The following ACYP2 variants were observed in gnomAD, a reference collection of about 807,000 sequenced individuals.
The protein encoded by ACYP2 is acylphosphatase-2.
In ACYP2, 12 loss-of-function variants were observed where a neutral mutation model predicts 11.2. The ratio of observed to expected loss-of-function variants is 1.08; its 90% CI spans 0.69 to 1.74. The LOEUF is 1.74. Ranked by LOEUF, ACYP2 falls within the 40% of genes most tolerant of loss-of-function variation. The pLI is 0.00. For missense variants in ACYP2, 134 were observed against 101.9 expected, an observed-to-expected ratio of 1.31 and a Z score of -1.35; for synonymous variants, 43 against 32.2, an observed-to-expected ratio of 1.33 and a Z score of -1.13.
At chr2:54,074,075 C>T (rs1304714373) in intron 4 of ACYP2, among the ~76,000 whole-genome samples, 2 of 152,218 alleles carry the variant, frequency 1.3e-5, no homozygotes, top group Non-Finnish European at 2.9e-5. Flanking sequence ...TGCAGTGACT[C>T]ATACCTGTAA....
chr2:54,210,465 G>A (rs1417678906), intron 6 of ACYP2, among the ~76,000 whole-genome samples: 3 of 152,192 alleles, frequency 2.0e-5, no homozygotes, highest in Admixed American at 6.5e-5. Context: ...ACATTCAAAT[G>A]AGCGGTGTTA....
chr2:54,152,854 G>A (rs752325047), intron 6 of ACYP2, among the ~76,000 whole-genome samples: 3 of 151,998 alleles, frequency 2.0e-5, no homozygotes, highest in Admixed American at 6.6e-5. Context: ...TTTAGAGATA[G>A]GGTCTTTCTG....
intron 2 of ACYP2, among the ~76,000 whole-genome samples, chr2:53,991,155 T>A (rs140382305): frequency 2.0e-5 from 3 of 152,318 alleles, no homozygotes; most frequent in African/African-American, 7.2e-5. Flanking sequence ...TTCAAAGGTA[T>A]GCTGCTGGTC....
At chr2:54,080,902 AG>A (rs1206721147) in intron 4 of ACYP2, among the ~76,000 whole-genome samples, 4 of 152,184 alleles carry the variant, frequency 2.6e-5, no homozygotes, top group Non-Finnish European at 4.4e-5. Context: ...ATAGGATTAT[AG>A]GGGTTAGCCA....
At chr2:54,175,747 T>G (rs1006759953) in intron 6 of ACYP2, among the ~76,000 whole-genome samples, 6 of 152,168 alleles carry the variant, frequency 3.9e-5, no homozygotes, top group Non-Finnish European at 7.4e-5. Context: ...TTTCCCAGCA[T>G]GCATCTGTCC....
At chr2:53,982,557 C>G (rs1179505059) in intron 2 of ACYP2, among the ~76,000 whole-genome samples, 2 of 152,122 alleles carry the variant, frequency 1.3e-5, no homozygotes, top group Non-Finnish European at 2.9e-5. Context: ...CTTAAGATCT[C>G]TAGATAAAAC....
At chr2:54,051,991 G>T (rs892618374) in intron 3 of ACYP2, among the ~76,000 whole-genome samples, 1 of 151,934 alleles carries the variant, frequency 6.6e-6, no homozygotes, top group African/African-American at 2.4e-5. Context: ...AGGTTGCAAT[G>T]AGCCAAGATC....
intron 4 of ACYP2, among the ~76,000 whole-genome samples, chr2:54,071,955 G>A (rs1677070051): frequency 6.6e-6 from 1 of 152,112 alleles, no homozygotes; most frequent in East Asian, 1.9e-4. Flanking sequence ...AGGTTGCAGT[G>A]AGCTGAGATC....
At chr2:54,277,465 G>A (rs1003743744) in intron 6 of ACYP2, among the ~76,000 whole-genome samples, 12 of 152,270 alleles carry the variant, frequency 7.9e-5, no homozygotes, top group East Asian at 1.9e-4. Context: ...GGATCATGAG[G>A]TCAGGAGTTC....
chr2:54,258,478 T>C (rs1418186287), intron 6 of ACYP2, among the ~76,000 whole-genome samples: 1 of 152,192 alleles, frequency 6.6e-6, no homozygotes, highest in Admixed American at 6.5e-5. Context: ...AGTAGGGTCT[T>C]GTATGATAGT....
At chr2:54,047,325 A>C (rs1413889146) in intron 2 of ACYP2, among the ~76,000 whole-genome samples, 2 of 152,188 alleles carry the variant, frequency 1.3e-5, no homozygotes, top group African/African-American at 4.8e-5. Flanking sequence ...ATTTCTTATA[A>C]ATTTAAAAGA....
At chr2:54,121,863 C>T (rs115474767) in intron 4 of ACYP2, among the ~76,000 whole-genome samples, 1,822 of 152,284 alleles carry the variant, frequency 0.012, 44 homozygotes, top group African/African-American at 0.042. Flanking sequence ...GTTTTCATAT[C>T]CCCTACACGG....
At chr2:53,979,184 C>T (rs1406367067) in intron 2 of ACYP2, among the ~76,000 whole-genome samples, 1 of 152,008 alleles carries the variant, frequency 6.6e-6, no homozygotes, top group Non-Finnish European at 1.5e-5. Flanking sequence ...CCTTCCAGTG[C>T]AACAAGATGT....
At chr2:54,090,487 T>C (rs1355339494) in intron 4 of ACYP2, among the ~76,000 whole-genome samples, 1 of 152,000 alleles carries the variant, frequency 6.6e-6, no homozygotes, top group Non-Finnish European at 1.5e-5. Context: ...AAAAATTAGC[T>C]GGGCGGGGTG....
At chr2:54,130,007 C>T (rs150922890) in intron 4 of ACYP2, among the ~76,000 whole-genome samples, 1 of 151,416 alleles carries the variant, frequency 6.6e-6, no homozygotes, top group Non-Finnish European at 1.5e-5. Context: ...TTTAAAAATT[C>T]ATTTATTCAA....
At chr2:54,273,189 T>G (rs1362853987) in intron 6 of ACYP2, among the ~76,000 whole-genome samples, 1 of 152,230 alleles carries the variant, frequency 6.6e-6, no homozygotes. Flanking sequence ...TTTGAACAAA[T>G]GACAAACTAT....
intron 4 of ACYP2, chr2:54,057,496 T>C: frequency 2.6e-6 from 1 of 387,734 alleles, no homozygotes; most frequent in Non-Finnish European, 4.6e-6. Context: ...AAAGTGCCCA[T>C]GTAAAAGAAA....
intron 4 of ACYP2, among the ~76,000 whole-genome samples, chr2:54,061,598 G>A (rs557834274): frequency 2.2e-4 from 33 of 152,284 alleles, no homozygotes; most frequent in African/African-American, 7.2e-4. Context: ...GCATAAAAGG[G>A]TTTTAATGGG....
At chr2:54,287,333 C>G (rs1331916241) in intron 6 of ACYP2, among the ~76,000 whole-genome samples, 1 of 151,840 alleles carries the variant, frequency 6.6e-6, no homozygotes, top group Non-Finnish European at 1.5e-5. Flanking sequence ...TGCATAAGGG[C>G]CCCCCCTCAT....
Sources: allele counts gnomAD v4.1 joint callset (sites outside exome capture counted in the v4.1 genomes callset), GRCh38; gene constraint gnomAD v4.1.1; transcripts MANE v1.5; gene names NCBI Gene and HGNC (gene_info 2026-07-23, HGNC 2026-07-21).